ATP11A: variants seen among roughly 807,000 people sequenced by gnomAD.
ATP11A encodes the protein phospholipid-transporting ATPase IH.
In ATP11A, 81 loss-of-function variants were observed where a neutral mutation model predicts 154.4. The ratio of observed to expected loss-of-function variants is 0.52; its 90% CI spans 0.44 to 0.63. The LOEUF (loss-of-function observed/expected upper bound fraction) is 0.63. Among genes scored for constraint, ATP11A ranks in the 30% least tolerant of loss-of-function variants. The pLI, the probability that ATP11A is intolerant of heterozygous loss-of-function variation, is 0.00. For synonymous variants in ATP11A, 623 were observed against 585.9 expected (o/e 1.06, Z -0.91); for missense variants, 1,316 against 1,474.3 (o/e 0.89, Z 1.76).
At chr13:112,710,702 C>A (rs963526441) in intron 1 of ATP11A, among the ~76,000 whole-genome samples, 3 of 152,230 alleles carry the variant, frequency 2.0e-5, no homozygotes, top group African/African-American at 7.2e-5. Context: ...AGGGCGTTCA[C>A]AGGTGGTGAG....
Position 112,862,583 on chromosome 13 carries a change from C to G in ATP11A, c.2991+8C>G. On this transcript the variant is annotated splice_region_variant and intron_variant, in intron 25 of 29. Transcript: ENST00000375645. ...GTGACAAGCAACGGGCAGGTCAGTA[C>G]AGAGCTCGATTGCGCTGACTTAGCT... 1 of 1,614,120 alleles carries G rather than the reference C, an allele frequency of 6.2e-7. No individual in the cohort carries two copies. Among genetic ancestry groups the G allele is most frequent in the South Asian group, 1.1e-5 (1 of 91,084 alleles).
intron 26 of ATP11A, 131 bp downstream of exon 26, chr13:112,871,931 C>G (rs1213969705): frequency 9.8e-7 from 1 of 1,021,022 alleles, no homozygotes; most frequent in African/African-American, 1.6e-5. Context: ...CCAGCCTTGG[C>G]TGGCTCCTGG....
At chr13:112,724,369 C>T (rs918140348) in intron 1 of ATP11A, among the ~76,000 whole-genome samples, 23 of 151,874 alleles carry the variant, frequency 1.5e-4, no homozygotes, top group African/African-American at 5.1e-4. Context: ...TCAGGGTTGA[C>T]GATTTACTGG....
intron 16 of ATP11A, among the ~76,000 whole-genome samples, chr13:112,840,694 C>T (rs2079388431): frequency 6.6e-6 from 1 of 151,986 alleles, no homozygotes; most frequent in Non-Finnish European, 1.5e-5. Context: ...GCCACATGAG[C>T]GTCAAGTGTA....
chr13:112,766,698 G>A (rs895307672), intron 1 of ATP11A, among the ~76,000 whole-genome samples: 22 of 152,214 alleles, frequency 1.4e-4, no homozygotes, highest in African/African-American at 5.3e-4. Flanking sequence ...GAGGGAGTCT[G>A]CCTCTTCCCT....
chr13:112,860,140 A>G (rs928725676), intron 23 of ATP11A, 147 bp from the exon 24 acceptor site: 6 of 798,104 alleles, frequency 7.5e-6, no homozygotes, highest in East Asian at 2.7e-5. Flanking sequence ...CACAGTTGAT[A>G]TCACAGACCC....
At chr13:112,767,456 T>G (rs1202174902) in intron 1 of ATP11A, among the ~76,000 whole-genome samples, 2 of 46,838 alleles carry the variant, frequency 4.3e-5, no homozygotes, top group Admixed American at 4.8e-4. Context: ...TGTGGGAAGG[T>G]GGGGAGGGTG....
chr13:112,738,734 C>T (rs1457453051), intron 1 of ATP11A, among the ~76,000 whole-genome samples: 6 of 151,878 alleles, frequency 4.0e-5, no homozygotes, highest in African/African-American at 1.5e-4. Flanking sequence ...CTCCTCCTCC[C>T]CCAGGTCCCA....
Position 112,873,665 on chromosome 13 carries a change from A to T in ATP11A, c.3150A>T (p.Gly1050=), listed in dbSNP as rs1209700879. The part of the protein sequence containing the change: ...LFYVVFSLLW[G]GVIWPFLNYQ... ...ACGTTGTCTTTTCGCTTCTCTGGGG[A>T]GGAGTGATCTGGTAAATATCTGATA... is the stretch of plus-strand genomic sequence containing the variant. Residue 1050 remains glycine (G), a synonymous_variant, in exon 27 of 30, where the codon GGA becomes GGT. Transcript: ENST00000375645. The T allele has an allele frequency of 6.8e-6, 11 of 1,611,424 alleles. No individual in the cohort carries two copies. Among genetic ancestry groups the T allele is most frequent in the African/African-American group, 1.3e-5 (1 of 74,712 alleles).
intron 1 of ATP11A, among the ~76,000 whole-genome samples, chr13:112,770,219 C>T (rs978558745): frequency 5.9e-5 from 9 of 152,140 alleles, no homozygotes; most frequent in Admixed American, 4.6e-4. Context: ...CAGTTCTGGA[C>T]CCAGTAAACT....
chr13:112,820,059 A>C (rs944781691), intron 8 of ATP11A, 109 bp downstream of exon 8: 1 of 1,131,486 alleles, frequency 8.8e-7, no homozygotes, highest in Non-Finnish European at 1.2e-6. Context: ...TAGATTTGGA[A>C]GGTGGAGTTC....
At chr13:112,798,650 A>C (rs2078059648) in intron 2 of ATP11A, among the ~76,000 whole-genome samples, 1 of 152,140 alleles carries the variant, frequency 6.6e-6, no homozygotes, top group African/African-American at 2.4e-5. Flanking sequence ...CCACTAAGTA[A>C]TTTTTTTAAA....
intron 1 of ATP11A, among the ~76,000 whole-genome samples, chr13:112,702,433 G>A (rs1432053271): frequency 6.6e-6 from 1 of 152,000 alleles, no homozygotes; most frequent in Non-Finnish European, 1.5e-5. Flanking sequence ...GCGTGTTCCA[G>A]TGGGAAGCAG....
intron 5 of ATP11A, 84 bp downstream of exon 5, chr13:112,810,810 C>A: frequency 8.5e-7 from 1 of 1,181,632 alleles, no homozygotes; most frequent in Non-Finnish European, 1.2e-6. Flanking sequence ...GTGGCTCGCG[C>A]CTCCAGTCCC....
At chr13:112,752,953 A>G (rs141329124) in intron 1 of ATP11A, among the ~76,000 whole-genome samples, 121 of 152,314 alleles carry the variant, frequency 7.9e-4, no homozygotes, top group Non-Finnish European at 1.6e-3. Context: ...TGTGTATTCA[A>G]TCACATATGC....
chr13:112,795,327 G>A (rs2077972424), intron 2 of ATP11A, among the ~76,000 whole-genome samples: 1 of 152,214 alleles, frequency 6.6e-6, no homozygotes, highest in Non-Finnish European at 1.5e-5. Context: ...CTGCATGTTT[G>A]GAAGGATTGC....
intron 1 of ATP11A, among the ~76,000 whole-genome samples, chr13:112,691,276 G>A (rs996704420): frequency 6.6e-6 from 1 of 151,890 alleles, no homozygotes; most frequent in African/African-American, 2.4e-5. Context: ...CAGCCGGACC[G>A]ACATGGTGAA....
At chr13:112,870,231 T>C (rs2080471433) in intron 25 of ATP11A, among the ~76,000 whole-genome samples, 2 of 152,204 alleles carry the variant, frequency 1.3e-5, no homozygotes, top group Non-Finnish European at 2.9e-5. Flanking sequence ...CTAACACTTT[T>C]TTCTATAATC....
intron 2 of ATP11A, among the ~76,000 whole-genome samples, chr13:112,792,703 CG>C (rs1423097861): frequency 1.3e-5 from 2 of 152,176 alleles, no homozygotes; most frequent in African/African-American, 4.8e-5. Flanking sequence ...CAGCCCAGCA[CG>C]CCCCGTTCCC....
Sources: allele counts gnomAD v4.1 joint callset (sites outside exome capture counted in the v4.1 genomes callset), GRCh38; gene constraint gnomAD v4.1.1; transcripts MANE v1.5; gene names NCBI Gene and HGNC (gene_info 2026-07-23, HGNC 2026-07-21).